Variants in PREX1 observed in about 807,000 individuals in gnomAD.
The protein encoded by PREX1 is phosphatidylinositol 3,4,5-trisphosphate-dependent Rac exchanger 1 protein.
PREX1 carries 41 observed loss-of-function variants against 198.3 expected under a neutral mutation model. The observed-to-expected ratio is 0.21, with a 90% CI of 0.16 to 0.27. The LOEUF is 0.27. PREX1 is among the 10% of genes least tolerant of loss of function. The probability of loss-of-function intolerance (pLI) is 1.00; values close to 1 mark genes in which losing one functional copy is unlikely to be tolerated. For synonymous variants in PREX1, 843 were observed against 887.2 expected (o/e 0.95, Z 0.89); for missense variants, 1,620 against 2,200.7 (o/e 0.74, Z 5.28).
chr20:48,685,391 C>T (rs1384034477), intron 10 of PREX1, among the ~76,000 whole-genome samples: 1 of 152,252 alleles, frequency 6.6e-6, no homozygotes, highest in Non-Finnish European at 1.5e-5. Flanking sequence ...CTCCTTCATA[C>T]ACTCATCATG....
chr20:48,876,398 G>A, the PREX1 span, among the ~76,000 whole-genome samples: 1 of 152,224 alleles, frequency 6.6e-6, no homozygotes, highest in Non-Finnish European at 1.5e-5. Flanking sequence ...GCAAGAGGTG[G>A]CCAAGTGCTT....
chr20:48,638,633 C>T lies in PREX1; in HGVS notation c.3905-881G>A, dbSNP rs188784898. Among the ~76,000 whole-genome samples the T allele has an allele frequency of 2.1e-3, 326 of 152,170 alleles. 2 individuals carry two copies. The highest frequency in any genetic ancestry group is 7.5e-3 in the African/African-American group (310 of 41,512). ...GGTGCGCTCTTGTCAGGACTCACCACGCCAGGCACCACGGCAGGACTCACC... is the reference window on the plus strand; with the variant it reads ...GGTGCGCTCTTGTCAGGACTCACCATGCCAGGCACCACGGCAGGACTCACC... On this transcript the variant is annotated intron_variant, in intron 30 of 39. Transcript: ENST00000371941.
intron 3 of PREX1, among the ~76,000 whole-genome samples, chr20:48,737,488 G>A (rs972447722): frequency 6.6e-6 from 1 of 152,144 alleles, no homozygotes; most frequent in Admixed American, 6.5e-5. Context: ...GCAGAGAGCA[G>A]GTATTGTGAC....
intron 1 of PREX1, among the ~76,000 whole-genome samples, chr20:48,823,430 AG>A (rs1308647379): frequency 6.6e-6 from 1 of 152,198 alleles, no homozygotes; most frequent in Admixed American, 6.5e-5. Context: ...CCTGTGACGC[AG>A]GTGCTACACT....
intron 1 of PREX1, among the ~76,000 whole-genome samples, chr20:48,748,719 C>T (rs1407116390): frequency 6.6e-6 from 1 of 152,164 alleles, no homozygotes; most frequent in Non-Finnish European, 1.5e-5. Flanking sequence ...TGTGACGACA[C>T]CAGGGCAGGA....
chr20:48,758,832 T>A (rs982993451), intron 1 of PREX1, among the ~76,000 whole-genome samples: 1 of 151,518 alleles, frequency 6.6e-6, no homozygotes, highest in African/African-American at 2.4e-5. Context: ...CTATCCCTGC[T>A]CTGTTTTCCT....
At chr20:48,682,183 C>T (rs1226468157) in intron 10 of PREX1, among the ~76,000 whole-genome samples, 2 of 152,146 alleles carry the variant, frequency 1.3e-5, no homozygotes, top group African/African-American at 4.8e-5. Flanking sequence ...CTCCCTGCCT[C>T]GGGGCTGCTG....
At chr20:48,763,326 C>T (rs1383469915) in intron 1 of PREX1, among the ~76,000 whole-genome samples, 1 of 152,202 alleles carries the variant, frequency 6.6e-6, no homozygotes, top group Non-Finnish European at 1.5e-5. Flanking sequence ...CCTCAAGTGA[C>T]GGAGACAGTG....
rs2089349132 is a variant in PREX1, at chr20:48,634,789, A to G, written c.4168-14T>C. 1 of 1,612,784 alleles carries G rather than the reference A, an allele frequency of 6.2e-7. No homozygotes were observed. The highest frequency in any genetic ancestry group is 8.5e-7 in the Non-Finnish European group (1 of 1,178,796). ...CCGTTCCTCCTTCTGCAGGAAGAAG[A>G]CAGCGCGGAGGAGTCTCAGATGCCA... On this transcript the variant is annotated splice_polypyrimidine_tract_variant and intron_variant, in intron 32 of 39. Transcript: ENST00000371941.
chr20:48,747,690 A>G, intron 2 of PREX1, 119 bp downstream of exon 2: 1 of 1,152,604 alleles, frequency 8.7e-7, no homozygotes, highest in East Asian at 2.6e-5. Context: ...GCTGGCGGCC[A>G]GCAGCCAGCG....
At chr20:48,832,482 G>A (rs531014838), upstream of PREX1, among the ~76,000 whole-genome samples, 2 of 152,156 alleles carry the variant, frequency 1.3e-5, no homozygotes, top group African/African-American at 2.4e-5. Flanking sequence ...TGCACTGCCC[G>A]AGGGTGCCAT....
the PREX1 span, among the ~76,000 whole-genome samples, chr20:48,876,160 G>A: frequency 3.9e-5 from 6 of 152,144 alleles, no homozygotes; most frequent in Non-Finnish European, 2.9e-5. Context: ...GCAGATGGGG[G>A]TGATAGATCC....
intron 1 of PREX1, among the ~76,000 whole-genome samples, chr20:48,753,451 TGAG>T (rs2090142920): frequency 6.6e-6 from 1 of 151,996 alleles, no homozygotes. Context: ...TTGTCACAAC[TGAG>T]GACAGGGGTG....
intron 10 of PREX1, among the ~76,000 whole-genome samples, chr20:48,681,657 T>C (rs952172915): frequency 6.6e-6 from 1 of 151,494 alleles, no homozygotes; most frequent in Middle Eastern, 3.4e-3. Flanking sequence ...GGCAGGCAGG[T>C]TGGTGGATGA....
the PREX1 span, among the ~76,000 whole-genome samples, chr20:48,880,981 TAAAAAAAAAAAAAA>T: frequency 4.8e-5 from 1 of 20,996 alleles, no homozygotes; most frequent in African/African-American, 2.6e-4. Flanking sequence ...AAACCATTGC[TAAAAAAAAAAAAAA>T]AAAAAAAAAA....
intron 1 of PREX1, among the ~76,000 whole-genome samples, chr20:48,774,607 G>A (rs2090252395): frequency 6.6e-6 from 1 of 152,242 alleles, no homozygotes; most frequent in African/African-American, 2.4e-5. Flanking sequence ...TTTTCAGGGT[G>A]TGTCAGGCTC....
chr20:48,658,144 G>C lies in PREX1; in HGVS notation c.1966C>G (p.Leu656Val), dbSNP rs1418771482. 1.2e-6 allele frequency: 2 copies of C among 1,613,538 alleles called. No homozygotes were observed. The change falls in exon 17 of 40, where the codon CTG (leucine) becomes GTG (valine). Residue 656 changes from leucine (L) to valine (V), a missense_variant. Physicochemically the swap from Leu to Val is conservative, Grantham distance 32 (BLOSUM62 1). This residue lies in a region of PREX1 where 488 missense variants were observed against 802.5 expected (regional missense o/e 0.61). Transcript: ENST00000371941. ...VVVKSVQRGS[L>V]AEVAGLQVGR... Reference sequence around the variant, plus strand: ...TCCCCCGAGGGCCTCACCTCAGCCAGCGAGCCCCTCTGGACGGACTTCACC... The same window carrying C: ...TCCCCCGAGGGCCTCACCTCAGCCACCGAGCCCCTCTGGACGGACTTCACC...
At chr20:48,805,207 T>C (rs2090406412) in intron 1 of PREX1, among the ~76,000 whole-genome samples, 1 of 152,198 alleles carries the variant, frequency 6.6e-6, no homozygotes, top group African/African-American at 2.4e-5. Flanking sequence ...TAGAACAGCT[T>C]GCTATGGACA....
intron 14 of PREX1, among the ~76,000 whole-genome samples, chr20:48,670,227 C>T (rs896759700): frequency 1.3e-5 from 2 of 152,162 alleles, no homozygotes; most frequent in African/African-American, 2.4e-5. Flanking sequence ...GTTCCCATTT[C>T]TCCTGCGTCT....
Sources: allele counts gnomAD v4.1 joint callset (sites outside exome capture counted in the v4.1 genomes callset), GRCh38; gene constraint gnomAD v4.1.1; regional missense constraint gnomAD v4.1.1; transcripts MANE v1.5; gene names NCBI Gene and HGNC (gene_info 2026-07-23, HGNC 2026-07-21).